MRPL43: variants seen among roughly 807,000 people sequenced by gnomAD.
MRPL43 encodes large ribosomal subunit protein mL43.
Under a neutral mutation model 12.7 loss-of-function variants are expected in MRPL43, and 9 were observed. The observed-to-expected ratio is 0.71, with a 90% CI of 0.43 to 1.24. The LOEUF is 1.24. MRPL43 is among the 50% of genes most tolerant of loss of function. MRPL43 has a pLI of 0.00. For synonymous variants in MRPL43, 116 were observed against 96.4 expected, an observed-to-expected ratio of 1.20 and a Z score of -1.19; for missense variants, 211 against 229.2, an observed-to-expected ratio of 0.92 and a Z score of 0.51.
Position 100,986,643 on chromosome 10 carries a change from A to G in MRPL43, c.*91T>C. On this transcript the variant is annotated 3_prime_UTR_variant, in exon 3 of 3. Transcript: ENST00000318364. The stretch of plus-strand genomic sequence containing the variant: ...GTCAACTTGCCCATTGATGGGTTCC[A>G]TTTGCCTGGGCTTGGAATCCCAAAG... 6.2e-7 allele frequency: 1 copy of G among 1,613,818 alleles called. No homozygotes were observed. Among genetic ancestry groups the G allele is most frequent in the Non-Finnish European group, 8.5e-7 (1 of 1,179,972 alleles).
At position 100,986,860 on chromosome 10, in the gene MRPL43, G is replaced by A. The variant is rs769218693; in HGVS notation, c.354C>T (p.Pro118=). The A allele has an allele frequency of 2.5e-6, 4 of 1,613,752 alleles. No individual in the cohort carries two copies. The highest frequency in any genetic ancestry group is 3.4e-6 in the Non-Finnish European group (4 of 1,180,046). Residue 118 remains proline, a synonymous_variant, in exon 3 of 3, where the codon CCC becomes CCT. Transcript: ENST00000318364. ...SGLDVIRIRK[P]FHTDNPSIQG... Reference sequence around the variant, plus strand: ...GGATGCTAGGGTTGTCGGTGTGGAAGGGCTTGCGGATGCGGATCACGTCCA... The same window carrying A: ...GGATGCTAGGGTTGTCGGTGTGGAAAGGCTTGCGGATGCGGATCACGTCCA...
downstream of MRPL43, chr10:100,985,016 CTGTT>C: frequency 8.8e-7 from 1 of 1,141,862 alleles, no homozygotes; most frequent in African/African-American, 1.6e-5. Context: ...TTGGACCTGT[CTGTT>C]GGGTTTAGTC....
chr10:100,978,199 C>T, downstream of MRPL43: 1 of 827,368 alleles, frequency 1.2e-6, no homozygotes, highest in Non-Finnish European at 2.0e-6. Flanking sequence ...TGCCCCTATC[C>T]CTGATCGCTG....
At chr10:100,979,195 C>T (rs576159833), downstream of MRPL43, 80 of 1,614,086 alleles carry the variant, frequency 5.0e-5, no homozygotes, top group Middle Eastern at 3.3e-4. Flanking sequence ...TGAGACACTG[C>T]GTGGGGTCTG....
At chr10:100,984,393 C>A (rs1851316321), downstream of MRPL43, 6 of 1,455,364 alleles carry the variant, frequency 4.1e-6, no homozygotes, top group South Asian at 2.9e-5. Context: ...CCCTGCAGAC[C>A]CAGAGCCAGT....
At chr10:100,985,090 AGGAT>A (rs1156991738), downstream of MRPL43, 1 of 577,432 alleles carries the variant, frequency 1.7e-6, no homozygotes, top group Non-Finnish European at 2.9e-6. Context: ...GCCCTTGCCT[AGGAT>A]GGATGACCAA....
downstream of MRPL43, chr10:100,978,800 A>G: frequency 6.3e-7 from 1 of 1,598,116 alleles, no homozygotes; most frequent in Non-Finnish European, 8.6e-7. Flanking sequence ...AGTGAGGGAA[A>G]GGAATCCCCA....
At chr10:100,984,091 A>C (rs1851292306), downstream of MRPL43, 24 of 1,613,530 alleles carry the variant, frequency 1.5e-5, no homozygotes, top group Non-Finnish European at 2.0e-5. Flanking sequence ...AAAAGGAAGC[A>C]CACGCAGCTC....
chr10:100,987,079 G>A lies in MRPL43; in HGVS notation c.238+11C>T. 1.9e-6 allele frequency: 3 copies of A among 1,612,694 alleles called. No homozygotes were observed. In the South Asian group the frequency reaches 3.3e-5, roughly 18 times the overall value. On this transcript the variant is annotated intron_variant, in intron 2 of 2. Transcript: ENST00000318364. ...GATCCCGCCCTCCAGCCCGAGCCCG[G>A]CCCCACTCACGGTATTCGGCCACTA... is the stretch of plus-strand genomic sequence containing the variant.
downstream of MRPL43, chr10:100,984,547 T>A: frequency 6.5e-7 from 1 of 1,536,188 alleles, no homozygotes; most frequent in Non-Finnish European, 8.7e-7. Context: ...TGGCCCTGTG[T>A]GCTGGATGGT....
chr10:100,980,229 G>A (rs748004748), downstream of MRPL43: 31 of 1,614,114 alleles, frequency 1.9e-5, no homozygotes, highest in East Asian at 6.0e-4. Flanking sequence ...GGCCCGTTGT[G>A]CCCACACGTG....
downstream of MRPL43, chr10:100,981,498 G>T: frequency 6.2e-7 from 1 of 1,614,128 alleles, no homozygotes; most frequent in African/African-American, 1.3e-5. Flanking sequence ...GGTTCAGGAC[G>T]GTAATGGGTA....
chr10:100,979,808 T>TC, downstream of MRPL43: 1 of 1,607,492 alleles, frequency 6.2e-7, no homozygotes, highest in Admixed American at 1.7e-5. Context: ...CAGGCTTGAC[T>TC]CCATGTAACT....
At chr10:100,980,266 A>G (rs1186433901), downstream of MRPL43, 3 of 1,614,112 alleles carry the variant, frequency 1.9e-6, no homozygotes, top group South Asian at 1.1e-5. Context: ...CAAGCGCAAC[A>G]TACGCTACAC....
At chr10:100,986,236 G>A (rs1851456851), downstream of MRPL43, 4 of 1,180,150 alleles carry the variant, frequency 3.4e-6, no homozygotes, top group Non-Finnish European at 4.3e-6. Context: ...TGAGGCTTGT[G>A]CTTAACATAT....
chr10:100,985,201 A>G, downstream of MRPL43: 1 of 316,804 alleles, frequency 3.2e-6, no homozygotes, highest in Non-Finnish European at 5.8e-6. Context: ...TGATGTCTCA[A>G]CTGGCACATG....
chr10:100,984,543 T>C (rs551143626), downstream of MRPL43: 2 of 1,536,196 alleles, frequency 1.3e-6, no homozygotes, highest in Admixed American at 2.0e-5. Flanking sequence ...TGCATGGCCC[T>C]GTGTGCTGGA....
At chr10:100,983,408 T>C, downstream of MRPL43, 1 of 1,612,702 alleles carries the variant, frequency 6.2e-7, no homozygotes, top group Non-Finnish European at 8.5e-7. Context: ...GGCTACTCAA[T>C]GGGAGCATGG....
chr10:100,983,450 G>A (rs748043373), downstream of MRPL43: 8 of 1,613,978 alleles, frequency 5.0e-6, no homozygotes, highest in African/African-American at 1.3e-5. Flanking sequence ...GCTACCGTGT[G>A]GGCGTGGACG....
Sources: gnomAD v4.1 joint callset for allele counts on GRCh38, gnomAD v4.1.1 for gene constraint, MANE v1.5 for transcripts, NCBI Gene and HGNC (gene_info 2026-07-23, HGNC 2026-07-21) for gene names.